CDH13: variants seen among roughly 807,000 people sequenced by gnomAD.
CDH13 encodes cadherin 13, also known as cadherin-13.
Under a neutral mutation model 63.8 loss-of-function variants are expected in CDH13, and 24 were observed. That is an observed-to-expected ratio of 0.38 (90% CI 0.27 to 0.53). The LOEUF (loss-of-function observed/expected upper bound fraction) is 0.53. Among genes scored for constraint, CDH13 ranks in the 20% least tolerant of loss-of-function variants. CDH13 has a pLI of 0.85. For synonymous variants in CDH13, 503 were observed against 355.3 expected (o/e 1.42, Z -4.67); for missense variants, 1,049 against 903.1 (o/e 1.16, Z -2.07).
At chr16:82,711,338 C>T (rs752511005) in intron 1 of CDH13, among the ~76,000 whole-genome samples, 4 of 152,080 alleles carry the variant, frequency 2.6e-5, no homozygotes, top group South Asian at 4.1e-4. Context: ...ACCCTCATCC[C>T]GTGGTTTTAA....
intron 4 of CDH13, among the ~76,000 whole-genome samples, chr16:83,127,794 G>A (rs975836745): frequency 2.0e-5 from 3 of 152,076 alleles, no homozygotes; most frequent in African/African-American, 4.8e-5. Context: ...CAATATCCTG[G>A]TAATCATTAT....
At chr16:83,006,906 TTGTTTGTTTG>T (rs1913565191) in intron 2 of CDH13, among the ~76,000 whole-genome samples, 8 of 124,872 alleles carry the variant, frequency 6.4e-5, no homozygotes, top group African/African-American at 1.5e-4. Flanking sequence ...TTGATTTTTT[TTGTTTGTTTG>T]TTTGTTTGTT....
At chr16:82,832,392 G>C (rs111235799) in intron 1 of CDH13, among the ~76,000 whole-genome samples, 1 of 152,084 alleles carries the variant, frequency 6.6e-6, no homozygotes, top group African/African-American at 2.4e-5. Flanking sequence ...CAGCAAGTAG[G>C]TACTTACGAC....
At chr16:83,359,525 C>A (rs1053694477) in intron 6 of CDH13, among the ~76,000 whole-genome samples, 6 of 152,156 alleles carry the variant, frequency 3.9e-5, no homozygotes, top group Non-Finnish European at 8.8e-5. Flanking sequence ...GAATTCTAGT[C>A]CTGGCTCCTT....
chr16:82,762,251 G>T (rs1843978644), intron 1 of CDH13, among the ~76,000 whole-genome samples: 1 of 152,178 alleles, frequency 6.6e-6, no homozygotes, highest in Admixed American at 6.5e-5. Flanking sequence ...CTGCTCCCAC[G>T]ATGATCTGAT....
At chr16:83,070,429 T>G (rs1259013688) in intron 3 of CDH13, among the ~76,000 whole-genome samples, 1 of 152,226 alleles carries the variant, frequency 6.6e-6, no homozygotes, top group Non-Finnish European at 1.5e-5. Context: ...AAGAATAAGT[T>G]AAGATACATT....
chr16:83,182,639 T>C (rs1331746411), intron 4 of CDH13, among the ~76,000 whole-genome samples: 1 of 152,244 alleles, frequency 6.6e-6, no homozygotes, highest in Non-Finnish European at 1.5e-5. Context: ...TCTAAATGCT[T>C]ATTGTGATCA....
At chr16:82,729,119 A>G (rs1377850480) in intron 1 of CDH13, among the ~76,000 whole-genome samples, 1 of 152,172 alleles carries the variant, frequency 6.6e-6, no homozygotes, top group East Asian at 1.9e-4. Context: ...TACTGAAGTC[A>G]TAAAGCCCTG....
intron 1 of CDH13, among the ~76,000 whole-genome samples, chr16:82,702,671 C>T (rs2031144197): frequency 6.6e-6 from 1 of 152,134 alleles, no homozygotes; most frequent in Non-Finnish European, 1.5e-5. Context: ...TTGTAATTGT[C>T]CCCCTCAATT....
At chr16:83,192,296 C>T (rs1039540739) in intron 4 of CDH13, among the ~76,000 whole-genome samples, 1 of 152,152 alleles carries the variant, frequency 6.6e-6, no homozygotes, top group Non-Finnish European at 1.5e-5. Flanking sequence ...TACGTAGTGT[C>T]TGTTGTGTGT....
chr16:83,701,460 C>G lies in CDH13; in HGVS notation c.1538+22999C>G, dbSNP rs374654972. 2.8e-4 allele frequency among the ~76,000 whole-genome samples: 42 copies of G among 152,298 alleles called. No homozygotes were observed. The South Asian group carries it at 8.7e-3, about 32-fold the overall frequency. ...ATAGAGGCCACATCCGGTCGTAGGC[C>G]GTACCCCATGCACAGCTGTCCTCTT... On this transcript the variant is annotated intron_variant, in intron 10 of 13. Transcript: ENST00000567109.
intron 7 of CDH13, among the ~76,000 whole-genome samples, chr16:83,487,221 G>T (rs1468811327): frequency 2.0e-5 from 3 of 152,200 alleles, no homozygotes; most frequent in Non-Finnish European, 4.4e-5. Context: ...CCCTGGCCCA[G>T]TCAGTCCACA....
intron 10 of CDH13, chr16:83,721,500 C>T (rs528499862): frequency 2.0e-5 from 3 of 152,322 alleles, no homozygotes; most frequent in East Asian, 3.9e-4. Context: ...AGTGCGCTGC[C>T]TTGCAGTTAC....
chr16:82,880,695 T>G (rs890821781), intron 2 of CDH13, among the ~76,000 whole-genome samples: 4 of 152,180 alleles, frequency 2.6e-5, no homozygotes, highest in African/African-American at 9.7e-5. Context: ...TAATTATAAA[T>G]TAATACCCTT....
At chr16:83,030,686 A>C (rs1916227145) in intron 2 of CDH13, among the ~76,000 whole-genome samples, 1 of 142,832 alleles carries the variant, frequency 7.0e-6, no homozygotes, top group Non-Finnish European at 1.5e-5. Flanking sequence ...ATTCTGATGC[A>C]CCCCAATCCT....
At position 83,279,621 on chromosome 16, in the gene CDH13, A is replaced by G. The variant is rs143236606; in HGVS notation, c.636+62124A>G. ...TCCTGGAAGGAACCGGCTATTAAAT[A>G]TGTGGAGTTGAGACAATCGGCTATA... On this transcript the variant is annotated intron_variant, in intron 5 of 13. Transcript: ENST00000567109. 6.3e-3 allele frequency among the ~76,000 whole-genome samples: 955 copies of G among 152,334 alleles called. 18 individuals are homozygous for G. Among genetic ancestry groups the G allele is most frequent in the African/African-American group, 0.022 (899 of 41,576 alleles).
intron 6 of CDH13, among the ~76,000 whole-genome samples, chr16:83,473,219 C>A (rs1036981633): frequency 1.3e-5 from 2 of 152,194 alleles, no homozygotes; most frequent in African/African-American, 4.8e-5. Context: ...TACATACTTT[C>A]ATTGCTCGCA....
chr16:83,539,444 G>T (rs992073856), intron 7 of CDH13, among the ~76,000 whole-genome samples: 120 of 152,260 alleles, frequency 7.9e-4, no homozygotes, highest in African/African-American at 2.7e-3. Context: ...GTGTAGCCAG[G>T]GGGCTGGAGA....
chr16:82,758,864 T>C (rs1870847), intron 1 of CDH13, among the ~76,000 whole-genome samples: 21,706 of 152,216 alleles, frequency 0.14, 1,866 homozygotes, highest in Middle Eastern at 0.21. Flanking sequence ...AGTTTTCCCC[T>C]GTTGATTTAG....
Sources: gnomAD v4.1 joint callset for allele counts (sites outside exome capture counted in the v4.1 genomes callset) on GRCh38, gnomAD v4.1.1 for gene constraint, MANE v1.5 for transcripts, NCBI Gene and HGNC (gene_info 2026-07-23, HGNC 2026-07-21) for gene names.